The following ATRNL1 variants were observed in gnomAD, a reference collection of about 807,000 sequenced individuals.
ATRNL1 encodes attractin-like protein 1.
In ATRNL1, 95 loss-of-function variants were observed where a neutral mutation model predicts 182.7. The observed-to-expected ratio is 0.52, with a 90% CI of 0.44 to 0.62. ATRNL1 has a LOEUF of 0.62. Among genes scored for constraint, ATRNL1 ranks in the 20% least tolerant of loss-of-function variants. The pLI is 0.00. For synonymous variants in ATRNL1, 576 were observed against 568.3 expected, an observed-to-expected ratio of 1.01 and a Z score of -0.19; for missense variants, 1,471 against 1,679.5, an observed-to-expected ratio of 0.88 and a Z score of 2.17.
At chr10:115,835,329 C>A (rs1348641553) in intron 27 of ATRNL1, among the ~76,000 whole-genome samples, 3 of 152,100 alleles carry the variant, frequency 2.0e-5, no homozygotes, top group African/African-American at 4.8e-5. Context: ...CATTTGAATG[C>A]CAACTGTGAA....
At position 115,268,344 on chromosome 10, in the gene ATRNL1, G is replaced by A. The variant is rs781915817; in HGVS notation, c.2000G>A (p.Cys667Tyr). Reference protein sequence around the residue: ...PPKTAASDDRCYRYADCASCT... With the variant: ...PPKTAASDDRYYRYADCASCT... ...ATTATAGCTGCTTCTGATGACAGAT[G>A]TTACAGATATGCAGATTGTGCCAGC... The change falls in exon 13 of 29, where the codon TGT becomes TAT. Residue 667 changes from cysteine (C) to tyrosine (Y), a missense_variant. Physicochemically the swap from Cys to Tyr is radical, Grantham distance 194. Coordinates refer to ENST00000355044, the MANE Select transcript of ATRNL1 (RefSeq NM_207303.4). The A allele has an allele frequency of 6.2e-7, 1 of 1,611,632 alleles. No homozygotes were observed. Among genetic ancestry groups the A allele is most frequent in the South Asian group, 1.1e-5 (1 of 91,036 alleles).
rs191307077 is a variant in ATRNL1 at position 115,278,299 on chromosome 10, T to G, written c.2101-3056T>G. 3.5e-4 allele frequency among the ~76,000 whole-genome samples: 53 copies of G among 152,338 alleles called. No individual in the cohort carries two copies. The Middle Eastern group carries it at 0.01, about 29-fold the overall frequency. ...TCATTCCAATTCCAAGAACAATAGTTTAACTTGTTAAAAGAAAAACTTGGG... is the reference window on the plus strand; with the variant it reads ...TCATTCCAATTCCAAGAACAATAGTGTAACTTGTTAAAAGAAAAACTTGGG... On this transcript the variant is annotated intron_variant, in intron 13 of 28. Transcript: ENST00000355044.
At chr10:115,491,029 C>T (rs1849274696) in intron 24 of ATRNL1, among the ~76,000 whole-genome samples, 1 of 152,182 alleles carries the variant, frequency 6.6e-6, no homozygotes, top group Admixed American at 6.5e-5. Context: ...ATGTCCACTC[C>T]AGACTCTTTT....
intron 1 of ATRNL1, among the ~76,000 whole-genome samples, chr10:115,102,789 A>T (rs1728367918): frequency 2.0e-5 from 3 of 152,026 alleles, no homozygotes; most frequent in Admixed American, 2.0e-4. Context: ...TATTTTTGAA[A>T]ATTTACTTGG....
chr10:115,546,418 T>A (rs1413520572), intron 25 of ATRNL1, among the ~76,000 whole-genome samples: 1 of 151,080 alleles, frequency 6.6e-6, no homozygotes, highest in Non-Finnish European at 1.5e-5. Context: ...CAAAACAAAT[T>A]AAGTGGGCGT....
chr10:115,268,200 G>T (rs1466592248), intron 12 of ATRNL1, 126 bp from the exon 13 acceptor site: 1 of 636,276 alleles, frequency 1.6e-6, no homozygotes, highest in East Asian at 2.7e-5. Context: ...CTTTGAAATT[G>T]AAGGTCATTT....
At chr10:115,362,081 A>T (rs1592522254) in intron 19 of ATRNL1, among the ~76,000 whole-genome samples, 1 of 152,070 alleles carries the variant, frequency 6.6e-6, no homozygotes, top group Non-Finnish European at 1.5e-5. Context: ...AAGAGCTATC[A>T]TGTATCCAAA....
intron 10 of ATRNL1, 72 bp from the exon 11 acceptor site, chr10:115,265,121 G>A: frequency 2.0e-6 from 2 of 993,198 alleles, no homozygotes; most frequent in East Asian, 2.5e-5. Flanking sequence ...TTCGGCCAAT[G>A]ATGTTTTCAT....
rs142339884 is a variant in ATRNL1 at position 115,264,606 on chromosome 10, G to T, written c.1688-587G>T. 4.8e-4 allele frequency among the ~76,000 whole-genome samples: 73 copies of T among 151,448 alleles called. 1 individual carries two copies. In the East Asian group the frequency reaches 0.014, roughly 29 times the overall value. On this transcript the variant is annotated intron_variant, in intron 10 of 28. Coordinates refer to ENST00000355044, the MANE Select transcript of ATRNL1 (RefSeq NM_207303.4). ...ACATTTTTCTTAACCACTTTCCATA[G>T]TTTCTATATAGTTCATAGATTATTT...
chr10:115,345,901 A>G (rs775074692), intron 19 of ATRNL1, among the ~76,000 whole-genome samples: 3 of 152,084 alleles, frequency 2.0e-5, no homozygotes, highest in Non-Finnish European at 4.4e-5. Context: ...TTTGATGTTC[A>G]TTCTCATTGT....
At chr10:115,440,805 G>C (rs1281915482) in intron 21 of ATRNL1, among the ~76,000 whole-genome samples, 4 of 151,936 alleles carry the variant, frequency 2.6e-5, no homozygotes, top group Non-Finnish European at 5.9e-5. Flanking sequence ...TGTGTTGACT[G>C]TTTGGTCTTG....
chr10:115,558,963 C>G (rs781824478), intron 26 of ATRNL1, among the ~76,000 whole-genome samples: 5 of 152,108 alleles, frequency 3.3e-5, no homozygotes, highest in Non-Finnish European at 7.3e-5. Flanking sequence ...GCCTGAGGCT[C>G]TCTTCTTCTA....
chr10:115,572,125 A>G (rs1211061208), intron 26 of ATRNL1, among the ~76,000 whole-genome samples: 1 of 152,164 alleles, frequency 6.6e-6, no homozygotes, highest in Non-Finnish European at 1.5e-5. Flanking sequence ...AGATTGTGTA[A>G]TGACAGTTAT....
chr10:115,174,287 T>G (rs1847409777), intron 8 of ATRNL1, among the ~76,000 whole-genome samples: 1 of 151,816 alleles, frequency 6.6e-6, no homozygotes, highest in Admixed American at 6.6e-5. Flanking sequence ...TTCCTTTTGT[T>G]TTCTATTTCT....
At chr10:115,353,147 A>G (rs1856342434) in intron 19 of ATRNL1, among the ~76,000 whole-genome samples, 1 of 152,156 alleles carries the variant, frequency 6.6e-6, no homozygotes, top group Non-Finnish European at 1.5e-5. Flanking sequence ...ATATATGTTC[A>G]GTGTTGAAAG....
chr10:115,726,264 G>T (rs1049849654), intron 26 of ATRNL1, among the ~76,000 whole-genome samples: 3 of 152,138 alleles, frequency 2.0e-5, no homozygotes, highest in African/African-American at 4.8e-5. Context: ...AAATGACAGA[G>T]AATCTTTAAA....
chr10:115,133,894 C>T (rs1845382232), intron 5 of ATRNL1, among the ~76,000 whole-genome samples: 1 of 152,234 alleles, frequency 6.6e-6, no homozygotes, highest in East Asian at 1.9e-4. Context: ...TTAAGAAACT[C>T]ACTCAAAACT....
chr10:115,364,025 C>G (rs1856891944), intron 19 of ATRNL1, among the ~76,000 whole-genome samples: 1 of 151,746 alleles, frequency 6.6e-6, no homozygotes, highest in African/African-American at 2.4e-5. Flanking sequence ...TCCATATGAA[C>G]TTTAAAGTAG....
chr10:115,584,052 T>C (rs1455856145), intron 26 of ATRNL1, among the ~76,000 whole-genome samples: 2 of 152,170 alleles, frequency 1.3e-5, no homozygotes, highest in Admixed American at 6.5e-5. Flanking sequence ...CTGGATTACA[T>C]TTATTGATTT....
Sources: gnomAD v4.1 joint callset for allele counts (sites outside exome capture counted in the v4.1 genomes callset) on GRCh38, gnomAD v4.1.1 for gene constraint, MANE v1.5 for transcripts, NCBI Gene and HGNC (gene_info 2026-07-23, HGNC 2026-07-21) for gene names.